Variants in MUC5B observed in about 807,000 individuals in gnomAD.
The protein encoded by MUC5B is mucin 5B, oligomeric mucus/gel-forming.
In MUC5B, 116 loss-of-function variants were observed where a neutral mutation model predicts 376.9. The ratio of observed to expected loss-of-function variants is 0.31; its 90% CI spans 0.26 to 0.36. The LOEUF (loss-of-function observed/expected upper bound fraction) is 0.36, where lower values mean the gene tolerates loss of function less well. Among genes scored for constraint, MUC5B ranks in the 10% least tolerant of loss-of-function variants. The pLI, the probability that MUC5B is intolerant of heterozygous loss-of-function variation, is 1.00. For missense variants in MUC5B, 7,165 were observed against 7,769.9 expected, an observed-to-expected ratio of 0.92 and a Z score of 2.93; for synonymous variants, 3,517 against 3,390.9, an observed-to-expected ratio of 1.04 and a Z score of -1.29.
chr11:1,233,351 C>G lies in MUC5B; in HGVS notation c.2321+83C>G, dbSNP rs914026271. 4.0e-5 allele frequency: 56 copies of G among 1,405,084 alleles called. 1 individual carries two copies. Among genetic ancestry groups the G allele is most frequent in the South Asian group, 1.5e-4 (10 of 67,760 alleles). 87.0% of individuals were successfully genotyped at this position (1,405,084 alleles called of 1,614,324 possible). A position where few individuals can be genotyped will look rare whatever the true frequency, so the allele number is the denominator to read the frequency against. ...CTCCCCGAAGGCTTCTGTGCCTCCCCCCGAGGGTTCTGAGACATGAGGGGC... is the reference window on the plus strand; with the variant it reads ...CTCCCCGAAGGCTTCTGTGCCTCCCGCCGAGGGTTCTGAGACATGAGGGGC... On this transcript the variant is annotated intron_variant, in intron 18 of 48. Transcript: ENST00000529681.
Position 1,226,689 on chromosome 11 carries a change from G to C in MUC5B, c.274G>C (p.Val92Leu), listed in dbSNP as rs760674547. 1.2e-6 allele frequency: 2 copies of C among 1,612,494 alleles called. No homozygotes were observed. The highest frequency in any genetic ancestry group is 1.3e-5 in the African/African-American group (1 of 74,904). Residue 92 changes from valine to leucine, a missense_variant, in exon 4 of 49, where the codon GTC (valine) becomes CTC (leucine). Coordinates refer to ENST00000529681, the MANE Select transcript of MUC5B (RefSeq NM_002458.3). ...CCACTACAAGACCTTCGACGGCGAC[G>C]TCTTCCGCTTCCCTGGCCTTTGCAA... ...DFHYKTFDGD[V>L]FRFPGLCNYV... is the part of the protein sequence containing the mutation.
At chr11:1,236,859 T>C in intron 24 of MUC5B, 66 bp from the exon 25 acceptor site, 1 of 1,395,520 alleles carries the variant, frequency 7.2e-7, no homozygotes, top group South Asian at 1.7e-5. Flanking sequence ...GGGTGGGCTC[T>C]GTGCTGCCTC....
Position 1,235,586 on chromosome 11 carries a change from C to T in MUC5B, c.2880+173C>T. ...GGCTTAGACAACAGAAATGCATTCT[C>T]AGTCCTGGAGCCGGAAGTCAGAGAT... On this transcript the variant is annotated intron_variant, in intron 23 of 48. Coordinates refer to ENST00000529681, the MANE Select transcript of MUC5B (RefSeq NM_002458.3). The T allele has an allele frequency of 4.8e-6, 3 of 631,404 alleles. No homozygotes were observed. In the East Asian group the frequency reaches 8.3e-5, roughly 17 times the overall value. 39.1% of individuals were successfully genotyped at this position (631,404 alleles called of 1,614,324 possible). A position where few individuals can be genotyped will look rare whatever the true frequency, so the allele number is the denominator to read the frequency against.
rs373027201 is a variant in MUC5B, at chr11:1,249,140, C to T, written c.12260C>T (p.Pro4087Leu). The change falls in exon 31 of 49, where the codon CCG (proline) becomes CTG (leucine). Residue 4087 changes from proline (P) to leucine (L), a missense_variant. Coordinates refer to ENST00000529681, the MANE Select transcript of MUC5B (RefSeq NM_002458.3). ...ESPPSPGTTTPGHTTATSRTT... is the reference protein window; with the variant it reads ...ESPPSPGTTTLGHTTATSRTT... Reference sequence around the variant, plus strand: ...CCCCCTTCCCCAGGGACGACCACCCCGGGCCACACCACGGCCACCTCCAGG... The same window carrying T: ...CCCCCTTCCCCAGGGACGACCACCCTGGGCCACACCACGGCCACCTCCAGG... 217 of 1,611,104 alleles carry T rather than the reference C, an allele frequency of 1.3e-4. No homozygotes were observed. The highest frequency in any genetic ancestry group is 3.3e-4 in the Admixed American group (20 of 59,962).
rs1164503114 is a variant in MUC5B at position 1,234,102 on chromosome 11, G to A, written c.2378-103G>A. The stretch of plus-strand genomic sequence containing the variant: ...GGTGTCATGGAAGCTTTGGCTCGGG[G>A]GCTGTTAACTTGATCAGCAGGACAG... On this transcript the variant is annotated intron_variant, in intron 19 of 48. Transcript: ENST00000529681. This position sits in a 1 kb window ranked among gnomAD's most constrained non-coding sequence, Gnocchi z 6.3. 11 of 995,210 alleles carry A rather than the reference G, an allele frequency of 1.1e-5. No individual in the cohort carries two copies. The highest frequency in any genetic ancestry group is 2.6e-5 in the East Asian group (1 of 37,976). 61.6% of individuals were successfully genotyped at this position (995,210 alleles called of 1,614,324 possible). A position where few individuals can be genotyped will look rare whatever the true frequency, so the allele number is the denominator to read the frequency against.
At position 1,242,419 on chromosome 11, in the gene MUC5B, C is replaced by G; in HGVS notation, c.5539C>G (p.Leu1847Val). ...EVSIDQVGQVLTCSLETGLTC... is the reference protein window; with the variant it reads ...EVSIDQVGQVVTCSLETGLTC... The stretch of plus-strand genomic sequence containing the variant: ...AAGCATCGACCAGGTCGGGCAGGTG[C>G]TGACCTGCAGCCTGGAGACGGGGCT... The change falls in exon 31 of 49, where the codon CTG becomes GTG. Residue 1847 changes from leucine (L) to valine (V), a missense_variant. By Grantham distance (32) the Leu-to-Val change is conservative. This residue lies in a region of MUC5B where 897 missense variants were observed against 779.6 expected (regional missense o/e 1.15). Transcript: ENST00000529681. The G allele has an allele frequency of 6.2e-7, 1 of 1,613,872 alleles. No individual in the cohort carries two copies.
Position 1,246,585 on chromosome 11 carries a change from C to T in MUC5B, c.9705C>T (p.Thr3235=), listed in dbSNP as rs546274701. ...LRSTATTPTA[T]SVTAIPSSSL... ...GCACAGCCACCACACCCACAGCTAC[C>T]AGCGTTACAGCCATCCCCTCTTCCT... The change falls in exon 31 of 49, where the codon ACC becomes ACT. Residue 3235 remains threonine, a synonymous_variant. Coordinates refer to ENST00000529681, the MANE Select transcript of MUC5B (RefSeq NM_002458.3). The T allele has an allele frequency of 1.9e-6, 3 of 1,613,306 alleles. No homozygotes were observed. The highest frequency in any genetic ancestry group is 1.7e-5 in the Admixed American group (1 of 59,968).
Position 1,232,435 on chromosome 11 carries a change from A to C in MUC5B, c.1844-15A>C. 6.3e-7 allele frequency: 1 copy of C among 1,595,038 alleles called. No homozygotes were observed. Among genetic ancestry groups the C allele is most frequent in the Non-Finnish European group, 8.5e-7 (1 of 1,171,980 alleles). Reference sequence around the variant, plus strand: ...CGGGGCAGGGCGTGGAGATGAGGTCAGGTCTTCCCCACAGAGAACTACGCC... The same window carrying C: ...CGGGGCAGGGCGTGGAGATGAGGTCCGGTCTTCCCCACAGAGAACTACGCC... On this transcript the variant is annotated splice_polypyrimidine_tract_variant and intron_variant, in intron 15 of 48. Coordinates refer to ENST00000529681, the MANE Select transcript of MUC5B (RefSeq NM_002458.3).
rs1001484457 is a variant in MUC5B, at chr11:1,251,157, G to T, written c.14277G>T (p.Trp4759Cys). ...CACCCATCCCCTCCTCCACCCTGTG[G>T]ACCACGTGGACCGTCCCAGCACAGA... The part of the protein sequence containing the change: ...SFTPIPSSTL[W>C]TTWTVPAQTT... The change falls in exon 31 of 49, where the codon TGG becomes TGT. Residue 4759 changes from tryptophan (W) to cysteine (C), a missense_variant. Transcript: ENST00000529681. The T allele has an allele frequency of 1.4e-5, 22 of 1,610,118 alleles. No individual in the cohort carries two copies. In the Admixed American group the frequency reaches 3.7e-4, roughly 27 times the overall value.
At chr11:1,225,531 G>A in intron 1 of MUC5B, 150 bp from the exon 2 acceptor site, 1 of 698,856 alleles carries the variant, frequency 1.4e-6, no homozygotes, top group South Asian at 2.0e-5. Context: ...GCCACAGTGT[G>A]TCGTGAGGGT....
In MUC5B at chr11:1,238,864, C is replaced by A; in HGVS notation, c.3298-7C>A. On this transcript the variant is annotated splice_region_variant and splice_polypyrimidine_tract_variant and intron_variant, in intron 25 of 48. Transcript: ENST00000529681. ...CCGGCTGAGCTGCACCTTGGCCTCA[C>A]CCGCAGGTTGACTCCACCAAGTACT... 6.4e-7 allele frequency: 1 copy of A among 1,551,340 alleles called. No individual in the cohort carries two copies. Among genetic ancestry groups the A allele is most frequent in the Non-Finnish European group, 8.7e-7 (1 of 1,146,512 alleles).
In MUC5B at chr11:1,258,365, G is replaced by A. The variant is rs1590193394; in HGVS notation, c.16591G>A (p.Gly5531Arg). The A allele has an allele frequency of 1.2e-6, 2 of 1,612,114 alleles. No homozygotes were observed. Among genetic ancestry groups the A allele is most frequent in the Non-Finnish European group, 1.7e-6 (2 of 1,179,578 alleles). Residue 5531 changes from glycine (G) to arginine (R), a missense_variant and splice_region_variant, in exon 43 of 49, where the codon GGG (glycine) becomes AGG (arginine). This residue lies in a region of MUC5B where 842 missense variants were observed against 1,016.9 expected (regional missense o/e 0.83). Transcript: ENST00000529681. This position sits in a 1 kb window ranked among gnomAD's most constrained non-coding sequence, Gnocchi z 5.5. ...QLCSYNGTFYGVGATFPGALP... is the reference protein window; with the variant it reads ...QLCSYNGTFYRVGATFPGALP... ...GTGTTCGTACAATGGCACCTTCTAC[G>A]GGGTAAGGGCACAGCAGTGGGTGGG...
Position 1,258,998 on chromosome 11 carries a change from G to A in MUC5B, c.16650G>A (p.Gly5550=). Residue 5550 remains glycine (G), a synonymous_variant, in exon 44 of 49, where the codon GGG becomes GGA. Coordinates refer to ENST00000529681, the MANE Select transcript of MUC5B (RefSeq NM_002458.3). This position sits in a 1 kb window ranked among gnomAD's most constrained non-coding sequence, Gnocchi z 5.5. ...LPCHMCTCLS[G]DTQDPTVQCQ... is the part of the protein sequence containing the mutation. Reference sequence around the variant, plus strand: ...GCCACATGTGTACCTGCCTCTCTGGGGACACCCAGGACCCAACGGTGCAAT... The same window carrying A: ...GCCACATGTGTACCTGCCTCTCTGGAGACACCCAGGACCCAACGGTGCAAT... 8 of 1,560,690 alleles carry A rather than the reference G, an allele frequency of 5.1e-6. No individual in the cohort carries two copies. The highest frequency in any genetic ancestry group is 6.9e-6 in the Non-Finnish European group (8 of 1,153,358).
At position 1,260,068 on chromosome 11, in the gene MUC5B, G is replaced by A. The variant is rs1399690488; in HGVS notation, c.16906G>A (p.Asp5636Asn). ...GACCCCACAGCCTGCATCCTGCCCA[G>A]ATGTGTCCAGCTGCAGGGTGTGTGC... ...LLTPQPASCP[D>N]VSSCRGSLRK... The change falls in exon 46 of 49, where the codon GAT becomes AAT. Residue 5636 changes from aspartate to asparagine, a missense_variant. By Grantham distance (23) the Asp-to-Asn change is conservative (BLOSUM62 1). Transcript: ENST00000529681. The A allele has an allele frequency of 6.2e-7, 1 of 1,612,624 alleles. No homozygotes were observed. Among genetic ancestry groups the A allele is most frequent in the Middle Eastern group, 1.7e-4 (1 of 6,056 alleles).
Position 1,228,970 on chromosome 11 carries a change from A to G in MUC5B, c.977-200A>G, listed in dbSNP as rs1015770204. ...GCTGCAGGAGAAGGAGAGGCTGTGG[A>G]GAGGCTGTGCAGCAGGTGGCGGGGG... On this transcript the variant is annotated intron_variant, in intron 8 of 48. Coordinates refer to ENST00000529681, the MANE Select transcript of MUC5B (RefSeq NM_002458.3). Among the ~76,000 whole-genome samples the G allele has an allele frequency of 8.6e-5, 13 of 150,520 alleles. No homozygotes were observed. In the East Asian group the frequency reaches 2.6e-3, roughly 30 times the overall value.
chr11:1,236,521 CG>C lies in MUC5B; in HGVS notation c.3018del (p.Lys1007ArgfsTer104). 2.5e-6 allele frequency: 4 copies of C among 1,613,016 alleles called. No homozygotes were observed. Among genetic ancestry groups the C allele is most frequent in the Non-Finnish European group, 3.4e-6 (4 of 1,179,820 alleles). ...CCACGGGATGGCCGTGTCCTGGGAC[CG>C]GAAGACCAGCGTGTTCATCCGACTG... ...ETHGMAVSWD[R>X]KTSVFIRLHQ... On this transcript the variant is annotated frameshift_variant, in exon 24 of 49. Transcript: ENST00000529681. LOFTEE classifies it high-confidence loss of function.
intron 46 of MUC5B, 85 bp from the exon 47 acceptor site, chr11:1,260,266 G>C (rs976573301): frequency 2.1e-6 from 3 of 1,461,466 alleles, no homozygotes; most frequent in Non-Finnish European, 1.9e-6. Flanking sequence ...CCATGCCCCT[G>C]CCCGGGTGGG....
At position 1,246,589 on chromosome 11, in the gene MUC5B, G is replaced by C; in HGVS notation, c.9709G>C (p.Val3237Leu). The C allele has an allele frequency of 6.2e-7, 1 of 1,611,540 alleles. No homozygotes were observed. The highest frequency in any genetic ancestry group is 8.5e-7 in the Non-Finnish European group (1 of 1,179,200). ...AGCCACCACACCCACAGCTACCAGC[G>C]TTACAGCCATCCCCTCTTCCTCCCT... ...STATTPTATS[V>L]TAIPSSSLGT... Residue 3237 changes from valine (V) to leucine (L), a missense_variant, in exon 31 of 49, where the codon GTT (valine) becomes CTT (leucine). By Grantham distance (32) the Val-to-Leu change is conservative. Coordinates refer to ENST00000529681, the MANE Select transcript of MUC5B (RefSeq NM_002458.3).
rs957735732 is a variant in MUC5B at position 1,223,081 on chromosome 11, C to T, written c.-43C>T. 8 of 693,216 alleles carry T rather than the reference C, an allele frequency of 1.2e-5. No homozygotes were observed. The highest frequency in any genetic ancestry group is 2.0e-5 in the Admixed American group (1 of 49,026). The allele number at this position is 693,216 out of a possible 1,614,324, so 42.9% of individuals were successfully genotyped here. ...GGGAGCAAGCACCCGGCCCGGCTCC[C>T]TCCCTGCCCGTCCCCGTCCCCCCAC... On this transcript the variant is annotated 5_prime_UTR_variant, in exon 1 of 49. Coordinates refer to ENST00000529681, the MANE Select transcript of MUC5B (RefSeq NM_002458.3).
Sources: gnomAD v4.1 joint callset for allele counts (sites outside exome capture counted in the v4.1 genomes callset) on GRCh38, gnomAD v4.1.1 for gene constraint, gnomAD v4.1.1 regional missense constraint, Gnocchi (gnomAD v3.1) non-coding constraint, MANE v1.5 for transcripts, NCBI Gene and HGNC (gene_info 2026-07-23, HGNC 2026-07-21) for gene names.